Variants in YTHDF2 observed in about 807,000 individuals in gnomAD.
YTHDF2 encodes the protein YTH domain-containing family protein 2.
Under a neutral mutation model 50.4 loss-of-function variants are expected in YTHDF2, and 2 were observed. The observed-to-expected ratio is 0.04, with a 90% CI of 0.02 to 0.12. The LOEUF is 0.12. Among genes scored for constraint, YTHDF2 ranks in the 10% least tolerant of loss-of-function variants. The pLI is 1.00. For missense variants in YTHDF2, 483 were observed against 722.6 expected, an observed-to-expected ratio of 0.67 and a Z score of 3.80; for synonymous variants, 217 against 255.6, an observed-to-expected ratio of 0.85 and a Z score of 1.44.
chr1:28,737,782 G>T (rs2087717680), intron 2 of YTHDF2, 100 bp downstream of exon 2: 2 of 1,450,258 alleles, frequency 1.4e-6, no homozygotes, highest in East Asian at 4.7e-5. Flanking sequence ...CCTTTCGGAA[G>T]CCGCTTAGTT....
rs2087696933 is a variant in YTHDF2, at chr1:28,736,964, A to G, written c.-157A>G. 3 of 893,208 alleles carry G rather than the reference A, an allele frequency of 3.4e-6. No homozygotes were observed. Among genetic ancestry groups the G allele is most frequent in the African/African-American group, 3.5e-5 (2 of 57,546 alleles). The allele number at this position is 893,208 out of a possible 1,614,324, so 55.3% of individuals were successfully genotyped here. On this transcript the variant is annotated 5_prime_UTR_variant, in exon 1 of 5. Coordinates refer to ENST00000373812, the MANE Select transcript of YTHDF2 (RefSeq NM_016258.3). ...TAGAGCGTCGCCGAGTCGGAGCCGG[A>G]GCCTGAGCCGCGCGCTGTGTCTCCG...
chr1:28,743,504 G>A lies in YTHDF2; in HGVS notation c.1234G>A (p.Val412Ile), dbSNP rs775847228. 3 of 1,614,074 alleles carry A rather than the reference G, an allele frequency of 1.9e-6. No individual in the cohort carries two copies. The highest frequency in any genetic ancestry group is 1.7e-5 in the Admixed American group (1 of 59,998). The change falls in exon 4 of 5, where the codon GTT becomes ATT. Residue 412 changes from valine (V) to isoleucine (I), a missense_variant. Val to Ile is a conservative substitution (Grantham distance 29, BLOSUM62 3). Around this residue, in one of 4 missense-constraint regions of YTHDF2, gnomAD observed 59 missense variants for 168.9 expected, o/e 0.35. Coordinates refer to ENST00000373812, the MANE Select transcript of YTHDF2 (RefSeq NM_016258.3). This position sits in a 1 kb window ranked among gnomAD's most constrained non-coding sequence, Gnocchi z 6.9. Reference protein sequence around the residue: ...DFDWNLKHGRVFIIKSYSEDD... With the variant: ...DFDWNLKHGRIFIIKSYSEDD... The stretch of plus-strand genomic sequence containing the variant: ...TGACTGGAATCTGAAACATGGCCGG[G>A]TTTTCATCATTAAGAGCTACTCTGA...
intron 2 of YTHDF2, 95 bp downstream of exon 2, chr1:28,737,777 C>G: frequency 2.0e-6 from 3 of 1,487,466 alleles, no homozygotes; most frequent in Non-Finnish European, 2.8e-6. Context: ...GAGGACCTTT[C>G]GGAAGCCGCT....
chr1:28,751,110 AGG>A (rs2087946038), intron 4 of YTHDF2, among the ~76,000 whole-genome samples: 1 of 144,410 alleles, frequency 6.9e-6, no homozygotes, highest in African/African-American at 2.6e-5. Flanking sequence ...AAAAAAAAAA[AGG>A]CTGGGCGTGG....
At chr1:28,764,044 G>C (rs1333579664) in intron 4 of YTHDF2, among the ~76,000 whole-genome samples, 1 of 151,022 alleles carries the variant, frequency 6.6e-6, no homozygotes, top group Non-Finnish European at 1.5e-5. Context: ...CCATCTCCCA[G>C]GTTCAAGCGA....
chr1:28,766,229 C>G (rs1163612485), intron 4 of YTHDF2, among the ~76,000 whole-genome samples: 1 of 151,760 alleles, frequency 6.6e-6, no homozygotes, highest in Non-Finnish European at 1.5e-5. Context: ...GTTGCTGGGA[C>G]TACAGGTGCA....
At chr1:28,737,884 A>G in intron 2 of YTHDF2, 1 of 432,756 alleles carries the variant, frequency 2.3e-6, no homozygotes, top group East Asian at 5.1e-5. Context: ...TAATTCATTA[A>G]GGGTGGGGGT....
At position 28,757,775 on chromosome 1, in the gene YTHDF2, A is replaced by T. The variant is rs186117991; in HGVS notation, c.1717-11154A>T. On this transcript the variant is annotated intron_variant, in intron 4 of 4. Coordinates refer to ENST00000373812, the MANE Select transcript of YTHDF2 (RefSeq NM_016258.3). ...GTAATTCCTGTACTACAACAAAACT[A>T]CTCATCTTGGCATTTTTTCTTTTCT... Among the ~76,000 whole-genome samples, 521 of 151,132 alleles carry T rather than the reference A, an allele frequency of 3.4e-3. 2 individuals carry two copies. Among genetic ancestry groups the T allele is most frequent in the Non-Finnish European group, 4.7e-3 (318 of 67,338 alleles).
intron 4 of YTHDF2, among the ~76,000 whole-genome samples, chr1:28,745,727 C>CG (rs1467044252): frequency 9.4e-6 from 1 of 106,292 alleles, no homozygotes; most frequent in Non-Finnish European, 2.1e-5. Context: ...TCCCCCCGCC[C>CG]CCCCCCCCCA....
Position 28,762,836 on chromosome 1 carries a change from T to A in YTHDF2, c.1717-6093T>A, listed in dbSNP as rs548103188. On this transcript the variant is annotated intron_variant, in intron 4 of 4. Transcript: ENST00000373812. ...CTGAATTTTCTATTTTATTTTATTT[T>A]ATTTTTAATTTTTATTTTTGAGACA... 1.2e-4 allele frequency among the ~76,000 whole-genome samples: 19 copies of A among 152,300 alleles called. No individual in the cohort carries two copies. The South Asian group carries it at 1.4e-3, about 12-fold the overall frequency.
chr1:28,747,030 T>G (rs1038188887), intron 4 of YTHDF2, among the ~76,000 whole-genome samples: 2 of 151,974 alleles, frequency 1.3e-5, no homozygotes, highest in African/African-American at 4.8e-5. Flanking sequence ...TGCAGTGAGC[T>G]GAGATGGTGC....
upstream of YTHDF2, chr1:28,736,632 G>GT (rs1489385433): frequency 6.4e-6 from 1 of 156,646 alleles, no homozygotes; most frequent in Non-Finnish European, 1.4e-5. Flanking sequence ...GTCTTTCCAG[G>GT]TGTTAGTCGA....
intron 3 of YTHDF2, chr1:28,740,432 A>G (rs1054600706): frequency 1.3e-5 from 2 of 152,252 alleles, no homozygotes; most frequent in Non-Finnish European, 2.9e-5. Context: ...TGTTTAAAAA[A>G]AATTTGGCTA....
rs2124630550 is a variant in YTHDF2 at position 28,743,467 on chromosome 1, C to T, written c.1197C>T (p.Asn399=). ...LEKLRSINNY[N]PKDFDWNLKH... Reference sequence around the variant, plus strand: ...AGCTTCGGTCCATTAATAACTATAACCCCAAAGATTTTGACTGGAATCTGA... The same window carrying T: ...AGCTTCGGTCCATTAATAACTATAATCCCAAAGATTTTGACTGGAATCTGA... Residue 399 remains asparagine (N), a synonymous_variant, in exon 4 of 5, where the codon AAC becomes AAT. Transcript: ENST00000373812. The surrounding 1 kb of genome is among the most constrained non-coding windows in gnomAD (Gnocchi z 6.9). 1 of 1,614,164 alleles carries T rather than the reference C, an allele frequency of 6.2e-7. No individual in the cohort carries two copies. Among genetic ancestry groups the T allele is most frequent in the Non-Finnish European group, 8.5e-7 (1 of 1,180,030 alleles).
chr1:28,744,693 A>G (rs1347030328), intron 4 of YTHDF2, among the ~76,000 whole-genome samples: 2 of 151,952 alleles, frequency 1.3e-5, no homozygotes, highest in African/African-American at 2.4e-5. Context: ...TTTTTTTTGG[A>G]CAGGGTTCTC....
intron 1 of YTHDF2, chr1:28,737,402 T>G: frequency 1.6e-6 from 1 of 635,788 alleles, no homozygotes; most frequent in Non-Finnish European, 2.6e-6. Context: ...TTTTCCTTCC[T>G]TGTTTCCTTC....
At position 28,765,482 on chromosome 1, in the gene YTHDF2, G is replaced by T. The variant is rs533413091; in HGVS notation, c.1717-3447G>T. 3.3e-5 allele frequency among the ~76,000 whole-genome samples: 5 copies of T among 152,194 alleles called. No individual in the cohort carries two copies. The South Asian group carries it at 8.3e-4, about 25-fold the overall frequency. On this transcript the variant is annotated intron_variant, in intron 4 of 4. Transcript: ENST00000373812. ...ACCCAGGCTGCCAGGCTAGAATGTA[G>T]CGGTGGCATCATAGCTCACTGTAAC...
chr1:28,737,635 G>C (rs200199421), intron 1 of YTHDF2, 23 bp from the exon 2 acceptor site: 13 of 1,613,606 alleles, frequency 8.1e-6, no homozygotes, highest in Non-Finnish European at 4.2e-6. Flanking sequence ...CTTGCTGCTC[G>C]GCGACGTTTC....
intron 4 of YTHDF2, among the ~76,000 whole-genome samples, chr1:28,764,427 C>T (rs572168923): frequency 1.3e-5 from 2 of 151,826 alleles, no homozygotes; most frequent in South Asian, 2.1e-4. Flanking sequence ...CCCACCACCA[C>T]GCCCGGCTAA....
Sources: gnomAD v4.1 joint callset for allele counts (sites outside exome capture counted in the v4.1 genomes callset) on GRCh38, gnomAD v4.1.1 for gene constraint, gnomAD v4.1.1 regional missense constraint, Gnocchi (gnomAD v3.1) non-coding constraint, MANE v1.5 for transcripts, NCBI Gene and HGNC (gene_info 2026-07-23, HGNC 2026-07-21) for gene names.